The following BEND6 variants were observed in gnomAD, a reference collection of about 807,000 sequenced individuals.
BEND6 encodes BEN domain-containing protein 6.
In BEND6, 24 loss-of-function variants were observed where a neutral mutation model predicts 31.8. That is an observed-to-expected ratio of 0.75 (90% CI 0.55 to 1.06). The LOEUF (loss-of-function observed/expected upper bound fraction) is 1.06. Among genes scored for constraint, BEND6 ranks in the 50% least tolerant of loss-of-function variants. The probability of loss-of-function intolerance (pLI) is 0.00; values close to 1 mark genes in which losing one functional copy is unlikely to be tolerated. For missense variants in BEND6, 294 were observed against 327.4 expected (o/e 0.90, Z 0.79); for synonymous variants, 109 against 114.6 (o/e 0.95, Z 0.31).
In BEND6 at chr6:57,004,556, G is replaced by A. The variant is rs560127865; in HGVS notation, c.299-10577G>A. The A allele has an allele frequency of 7.2e-4, 619 of 855,510 alleles. 8 individuals carry two copies. The highest frequency in any genetic ancestry group is 6.3e-3 in the South Asian group (482 of 76,114). 53.0% of individuals were successfully genotyped at this position (855,510 alleles called of 1,614,324 possible). ...CATGACTACCACATGCCCCTCACAG[G>A]TGCGCCAGAACTACCACCAGGACTC... is the stretch of plus-strand genomic sequence containing the variant. On this transcript the variant is annotated intron_variant, in intron 3 of 6. Coordinates refer to ENST00000370746, the MANE Select transcript of BEND6 (RefSeq NM_152731.3).
intron 1 of BEND6, chr6:56,976,014 A>T (rs1825860230): frequency 2.0e-6 from 1 of 488,490 alleles, no homozygotes; most frequent in Non-Finnish European, 4.1e-6. Context: ...AGGTTGGGAC[A>T]TTCAGGGACA....
chr6:57,001,530 G>A (rs572968216), intron 3 of BEND6, among the ~76,000 whole-genome samples: 4 of 152,288 alleles, frequency 2.6e-5, no homozygotes, highest in African/African-American at 9.6e-5. Flanking sequence ...CCCATCAGGT[G>A]AATGGTGGAC....
chr6:56,998,483 T>C (rs1382892383), intron 3 of BEND6, among the ~76,000 whole-genome samples: 2 of 152,110 alleles, frequency 1.3e-5, no homozygotes, highest in Non-Finnish European at 2.9e-5. Flanking sequence ...GATATATCTG[T>C]TGTATAGAAA....
intron 3 of BEND6, among the ~76,000 whole-genome samples, chr6:57,002,745 T>G (rs1332721608): frequency 6.6e-6 from 1 of 151,944 alleles, no homozygotes; most frequent in Non-Finnish European, 1.5e-5. Context: ...GTACTAAACA[T>G]TTACCTCAAA....
intron 3 of BEND6, chr6:57,008,584 G>GAA: frequency 1.1e-5 from 2 of 189,760 alleles, no homozygotes; most frequent in Non-Finnish European, 2.1e-5. Flanking sequence ...AAAGAAAAAA[G>GAA]AAAAAAAAAT....
chr6:56,994,284 C>T lies in BEND6; in HGVS notation c.298+1729C>T, dbSNP rs191489244. Reference sequence around the variant, plus strand: ...ACCATCCTGGCTAACACTGTGAAACCCCGTCTCTACTAAAAATAGAAAAAA... The same window carrying T: ...ACCATCCTGGCTAACACTGTGAAACTCCGTCTCTACTAAAAATAGAAAAAA... On this transcript the variant is annotated intron_variant, in intron 3 of 6. Coordinates refer to ENST00000370746, the MANE Select transcript of BEND6 (RefSeq NM_152731.3). Among the ~76,000 whole-genome samples, 132 of 151,526 alleles carry T rather than the reference C, an allele frequency of 8.7e-4. 1 individual carries two copies. Among genetic ancestry groups the T allele is most frequent in the African/African-American group, 3.0e-3 (124 of 41,328 alleles).
intron 3 of BEND6, among the ~76,000 whole-genome samples, chr6:56,999,494 T>G (rs1562550702): frequency 6.6e-6 from 1 of 152,228 alleles, no homozygotes; most frequent in African/African-American, 2.4e-5. Context: ...GCAAAGAGCT[T>G]GGGGCCAAGG....
At chr6:56,974,477 A>G (rs1592977899) in intron 1 of BEND6, among the ~76,000 whole-genome samples, 1 of 152,246 alleles carries the variant, frequency 6.6e-6, no homozygotes, top group African/African-American at 2.4e-5. Context: ...AACTTGAAGT[A>G]TCAGTGTTCA....
At chr6:57,008,430 G>A in intron 3 of BEND6, 1 of 575,478 alleles carries the variant, frequency 1.7e-6, no homozygotes, top group South Asian at 2.3e-5. Flanking sequence ...CAGTGCTGTG[G>A]AAATCTGTCT....
chr6:57,012,513 CA>C (rs1447519599), intron 3 of BEND6, among the ~76,000 whole-genome samples: 2 of 152,186 alleles, frequency 1.3e-5, no homozygotes, highest in East Asian at 3.8e-4. Context: ...ACCCATTTGT[CA>C]AACGCATCCC....
At chr6:56,975,709 G>C (rs1156505861) in intron 1 of BEND6, 6 of 461,436 alleles carry the variant, frequency 1.3e-5, no homozygotes, top group Middle Eastern at 3.5e-4. Flanking sequence ...GAAATCTATT[G>C]AGTTTTGGGA....
chr6:57,017,282 G>A lies in BEND6; in HGVS notation c.595G>A (p.Val199Ile). ...PQKFINDLMQVLYTNEYMATH... is the reference protein window; with the variant it reads ...PQKFINDLMQILYTNEYMATH... The stretch of plus-strand genomic sequence containing the variant: ...GAAGTTTATTAATGATTTAATGCAA[G>A]TACTTTACACAAATGAATACATGGC... The change falls in exon 5 of 7, where the codon GTA becomes ATA. Residue 199 changes from valine to isoleucine, a missense_variant. Coordinates refer to ENST00000370746, the MANE Select transcript of BEND6 (RefSeq NM_152731.3). The A allele has an allele frequency of 6.4e-7, 1 of 1,553,780 alleles. No homozygotes were observed. Among genetic ancestry groups the A allele is most frequent in the South Asian group, 1.2e-5 (1 of 82,320 alleles).
intron 3 of BEND6, among the ~76,000 whole-genome samples, chr6:57,001,770 C>A (rs746749329): frequency 6.6e-6 from 1 of 152,136 alleles, no homozygotes; most frequent in South Asian, 2.1e-4. Flanking sequence ...AATAATGAAA[C>A]CTACTACCAC....
chr6:57,012,100 G>A (rs1478569288), intron 3 of BEND6, among the ~76,000 whole-genome samples: 1 of 152,182 alleles, frequency 6.6e-6, no homozygotes, highest in African/African-American at 2.4e-5. Context: ...ACTCCAGCCT[G>A]GGTGGCAGAA....
rs1453710888 is a variant in BEND6 at position 56,976,644 on chromosome 6, A to C, written c.-100-5067A>C. On this transcript the variant is annotated intron_variant, in intron 1 of 6. Transcript: ENST00000370746. ...CAGTGGCTCAATCTTGGCTCATTGC[A>C]ACCTCTGCCTCCTGGGTTCAAGCGA... Among the ~76,000 whole-genome samples, 3 of 152,154 alleles carry C rather than the reference A, an allele frequency of 2.0e-5. No homozygotes were observed. In the East Asian group the frequency reaches 5.8e-4, roughly 29 times the overall value.
intron 1 of BEND6, among the ~76,000 whole-genome samples, chr6:56,959,424 A>G (rs1485222333): frequency 1.3e-5 from 2 of 152,238 alleles, no homozygotes; most frequent in African/African-American, 4.8e-5. Flanking sequence ...ATTACATTGA[A>G]ATATTACCCC....
intron 2 of BEND6, 102 bp from the exon 3 acceptor site, chr6:56,992,276 G>A: frequency 7.6e-7 from 1 of 1,316,532 alleles, no homozygotes; most frequent in South Asian, 1.8e-5. Flanking sequence ...GTGCCTGTGA[G>A]AACAAGAAAT....
intron 3 of BEND6, among the ~76,000 whole-genome samples, chr6:57,007,978 A>G (rs989168700): frequency 2.0e-5 from 3 of 152,132 alleles, no homozygotes; most frequent in African/African-American, 4.8e-5. Flanking sequence ...AAGTGTTGCA[A>G]TTTTCTTAGT....
At chr6:56,966,971 TC>T (rs1268128719) in intron 1 of BEND6, among the ~76,000 whole-genome samples, 1 of 152,192 alleles carries the variant, frequency 6.6e-6, no homozygotes, top group Non-Finnish European at 1.5e-5. Flanking sequence ...ATGGATCATG[TC>T]AGAACATGGA....
Sources: gnomAD v4.1 joint callset for allele counts (sites outside exome capture counted in the v4.1 genomes callset) on GRCh38, gnomAD v4.1.1 for gene constraint, MANE v1.5 for transcripts, NCBI Gene and HGNC (gene_info 2026-07-23, HGNC 2026-07-21) for gene names.